BAZ1A: variants seen among roughly 807,000 people sequenced by gnomAD.
The protein encoded by BAZ1A is bromodomain adjacent to zinc finger domain 1A.
Under a neutral mutation model 185.2 loss-of-function variants are expected in BAZ1A, and 50 were observed. That is an observed-to-expected ratio of 0.27 (90% confidence interval 0.22 to 0.34). The LOEUF (loss-of-function observed/expected upper bound fraction) is 0.34, where lower values mean the gene tolerates loss of function less well. Among genes scored for constraint, BAZ1A ranks in the 10% least tolerant of loss-of-function variants. The pLI, the probability that BAZ1A is intolerant of heterozygous loss-of-function variation, is 1.00. For missense variants in BAZ1A, 1,356 were observed against 1,839.9 expected (o/e 0.74, Z 4.81); for synonymous variants, 571 against 615.6 (o/e 0.93, Z 1.07).
intron 4 of BAZ1A, among the ~76,000 whole-genome samples, chr14:34,820,130 T>G (rs893482183): frequency 4.2e-5 from 6 of 143,614 alleles, no homozygotes; most frequent in Non-Finnish European, 6.1e-5. Flanking sequence ...TCGTTTTTTT[T>G]TTTTTTTTTT....
intron 25 of BAZ1A, among the ~76,000 whole-genome samples, chr14:34,756,274 C>T (rs1224573010): frequency 6.6e-5 from 10 of 151,012 alleles, no homozygotes; most frequent in African/African-American, 1.5e-4. Flanking sequence ...CCACCATGCC[C>T]GGCTAATTTT....
At chr14:34,841,206 C>G (rs2042409410) in intron 3 of BAZ1A, among the ~76,000 whole-genome samples, 1 of 152,138 alleles carries the variant, frequency 6.6e-6, no homozygotes, top group Non-Finnish European at 1.5e-5. Flanking sequence ...GACTCACTAA[C>G]TGGAAGGAGA....
At chr14:34,809,536 CTTT>C (rs1455909592) in intron 5 of BAZ1A, among the ~76,000 whole-genome samples, 3 of 152,034 alleles carry the variant, frequency 2.0e-5, no homozygotes, top group African/African-American at 7.2e-5. Flanking sequence ...AAGTCTTCTT[CTTT>C]ATTAGAGGAA....
At chr14:34,784,073 A>C in intron 14 of BAZ1A, 146 bp from the exon 15 acceptor site, 1 of 757,254 alleles carries the variant, frequency 1.3e-6, no homozygotes, top group East Asian at 3.1e-5. Context: ...TGTCTTCAGG[A>C]AAAAGCAATT....
chr14:34,820,971 G>C (rs571466247), intron 4 of BAZ1A, among the ~76,000 whole-genome samples: 1 of 94,258 alleles, frequency 1.1e-5, no homozygotes, highest in East Asian at 3.2e-4. Flanking sequence ...TAGTTTCAGA[G>C]TAAGTCTTGA....
At chr14:34,848,018 C>T (rs777151289) in intron 3 of BAZ1A, among the ~76,000 whole-genome samples, 4 of 152,036 alleles carry the variant, frequency 2.6e-5, no homozygotes, top group Non-Finnish European at 5.9e-5. Context: ...CACTACCAAG[C>T]CCAGCTAATT....
intron 4 of BAZ1A, among the ~76,000 whole-genome samples, chr14:34,824,129 A>T (rs1258150764): frequency 6.6e-6 from 1 of 151,428 alleles, no homozygotes; most frequent in Non-Finnish European, 1.5e-5. Context: ...CCAGCACTTC[A>T]AGAGACTGAG....
intron 17 of BAZ1A, among the ~76,000 whole-genome samples, chr14:34,779,366 G>A (rs965655291): frequency 8.6e-5 from 13 of 151,766 alleles, no homozygotes; most frequent in African/African-American, 3.1e-4. Context: ...AGTTTGATTC[G>A]TTTTAAATAT....
intron 3 of BAZ1A, among the ~76,000 whole-genome samples, chr14:34,838,042 TACA>T (rs567465526): frequency 0.01 from 1,579 of 152,260 alleles, 27 homozygotes; most frequent in African/African-American, 0.036. Flanking sequence ...AAACGATTGT[TACA>T]ACAACAGGAT....
chr14:34,787,189 C>G (rs1245174385), intron 12 of BAZ1A, among the ~76,000 whole-genome samples: 1 of 149,372 alleles, frequency 6.7e-6, no homozygotes, highest in Non-Finnish European at 1.5e-5. Flanking sequence ...CCCGTCTCTA[C>G]TAAAAATACA....
chr14:34,753,442 T>C lies in BAZ1A; in HGVS notation c.*66A>G. The C allele has an allele frequency of 6.6e-7, 1 of 1,517,204 alleles. No homozygotes were observed. 94.0% of individuals were successfully genotyped at this position (1,517,204 alleles called of 1,614,324 possible). A position where few individuals can be genotyped will look rare whatever the true frequency, so the allele number is the denominator to read the frequency against. On this transcript the variant is annotated 3_prime_UTR_variant, in exon 27 of 27. Transcript: ENST00000360310. The stretch of plus-strand genomic sequence containing the variant: ...TCAATTGTTATTGCTTTATACAGCA[T>C]GATTTAATGTTCCATTTTCATGAAC...
At chr14:34,797,835 A>AGCCAAAGCAGGGCGG (rs1040111744) in intron 9 of BAZ1A, among the ~76,000 whole-genome samples, 1 of 151,980 alleles carries the variant, frequency 6.6e-6, no homozygotes, top group Non-Finnish European at 1.5e-5. Context: ...AAGCAGGGCG[A>AGCCAAAGCAGGGCGG]GCCAAAGCAG....
chr14:34,799,393 A>C (rs1881381534), intron 9 of BAZ1A, among the ~76,000 whole-genome samples: 1 of 152,180 alleles, frequency 6.6e-6, no homozygotes, highest in African/African-American at 2.4e-5. Context: ...TTAAAAAACA[A>C]AATTCAAGGG....
At position 34,764,521 on chromosome 14, in the gene BAZ1A, A is replaced by AC. The variant is rs1878689188; in HGVS notation, c.3776+185dup. Among the ~76,000 whole-genome samples the AC allele has an allele frequency of 4.0e-5, 6 of 151,854 alleles. No individual in the cohort carries two copies. The South Asian group carries it at 1.2e-3, about 32-fold the overall frequency. ...TGGCCAGGCTGATCTCGAACTCCTG[A>AC]CCTCAGGTGATCTGCCTGCCTCAGC... On this transcript the variant is annotated intron_variant, in intron 23 of 26. Coordinates refer to ENST00000360310, the MANE Select transcript of BAZ1A (RefSeq NM_013448.3).
chr14:34,774,929 C>T (rs1254897873), intron 18 of BAZ1A, among the ~76,000 whole-genome samples: 1 of 152,196 alleles, frequency 6.6e-6, no homozygotes, highest in Non-Finnish European at 1.5e-5. Context: ...AGATGCTCAA[C>T]ATTGGCGGGG....
At chr14:34,794,291 A>G (rs147629045) in intron 11 of BAZ1A, among the ~76,000 whole-genome samples, 362 of 152,358 alleles carry the variant, frequency 2.4e-3, no homozygotes, top group African/African-American at 5.8e-3. Flanking sequence ...GTAAAAGTAT[A>G]TAAGTACACA....
Position 34,794,890 on chromosome 14 carries a change from G to A in BAZ1A, c.1225-3C>T. On this transcript the variant is annotated splice_region_variant and splice_polypyrimidine_tract_variant and intron_variant, in intron 10 of 26. Coordinates refer to ENST00000360310, the MANE Select transcript of BAZ1A (RefSeq NM_013448.3). ...ACTGGTGTTGGTTCTGGAAGTTCCT[G>A]AAATATTGAACAATTTATATAACTA... The A allele has an allele frequency of 1.2e-6, 2 of 1,608,894 alleles. No homozygotes were observed. Among genetic ancestry groups the A allele is most frequent in the Non-Finnish European group, 8.5e-7 (1 of 1,178,660 alleles).
At chr14:34,847,508 T>G (rs890109788) in intron 3 of BAZ1A, among the ~76,000 whole-genome samples, 3 of 152,168 alleles carry the variant, frequency 2.0e-5, no homozygotes, top group African/African-American at 7.2e-5. Flanking sequence ...CCCCCTCCTG[T>G]AATCCTTTCT....
intron 3 of BAZ1A, among the ~76,000 whole-genome samples, chr14:34,843,733 TC>T (rs2042454610): frequency 6.6e-6 from 1 of 152,170 alleles, no homozygotes. Context: ...AACTAGCAAG[TC>T]AGTTTGGCCC....
Sources: allele counts gnomAD v4.1 joint callset (sites outside exome capture counted in the v4.1 genomes callset), GRCh38; gene constraint gnomAD v4.1.1; transcripts MANE v1.5; gene names NCBI Gene and HGNC (gene_info 2026-07-23, HGNC 2026-07-21).